Variants in GFRA1 observed in about 807,000 individuals in gnomAD.
GFRA1 encodes the protein GDNF family receptor alpha-1.
In GFRA1, 16 loss-of-function variants were observed where a neutral mutation model predicts 51.6. That is an observed-to-expected ratio of 0.31 (90% CI 0.21 to 0.47). The LOEUF is 0.47. GFRA1 is among the 20% of genes least tolerant of loss of function. The pLI is 1.00. For synonymous variants in GFRA1, 270 were observed against 241.3 expected (o/e 1.12, Z -1.10); for missense variants, 530 against 594.3 (o/e 0.89, Z 1.13).
rs76531145 is a variant in GFRA1, at chr10:116,271,115, T to G, written c.41A>C (p.Asp14Ala). Residue 14 changes from aspartate to alanine, a missense_variant and splice_region_variant, in exon 3 of 11, where the codon GAC becomes GCC. Physicochemically the swap from Asp to Ala is moderately radical, Grantham distance 126. Coordinates refer to ENST00000355422, the MANE Select transcript of GFRA1 (RefSeq NM_005264.8). ...GCTCACTTCGGCCGACAGGAGCAAG[T>G]CTGCGGGGCAGAGGGGAGGGAGCCT... ...ATLYFALPLL[D>A]LLLSAEVSGG... The G allele has an allele frequency of 2.7e-3, 4,305 of 1,603,676 alleles. 90 individuals carry two copies. The African/African-American group carries it at 0.05, about 18-fold the overall frequency.
At chr10:116,175,069 G>A (rs1056175029) in intron 5 of GFRA1, among the ~76,000 whole-genome samples, 4 of 152,152 alleles carry the variant, frequency 2.6e-5, no homozygotes, top group African/African-American at 7.2e-5. Context: ...CATACCCCGT[G>A]TGTTGCGGCT....
chr10:116,215,467 A>G (rs1160429275), intron 4 of GFRA1, among the ~76,000 whole-genome samples: 3 of 152,158 alleles, frequency 2.0e-5, no homozygotes, highest in African/African-American at 7.2e-5. Flanking sequence ...AATCTAACCA[A>G]CCACAAAGTC....
intron 5 of GFRA1, among the ~76,000 whole-genome samples, chr10:116,169,373 C>T (rs1960806226): frequency 6.6e-6 from 1 of 152,206 alleles, no homozygotes; most frequent in Admixed American, 6.5e-5. Context: ...TGGTGGGGTC[C>T]CTGGCGAGGG....
chr10:116,239,985 C>G (rs1967220886), intron 4 of GFRA1, among the ~76,000 whole-genome samples: 1 of 152,124 alleles, frequency 6.6e-6, no homozygotes, highest in Admixed American at 6.5e-5. Flanking sequence ...CAGAACTTAA[C>G]TGGATCCAGG....
chr10:116,254,488 G>C (rs1968663930), intron 4 of GFRA1, among the ~76,000 whole-genome samples: 2 of 149,898 alleles, frequency 1.3e-5, no homozygotes, highest in African/African-American at 5.0e-5. Context: ...CTAAGCAGCA[G>C]AGTGAGACCC....
intron 6 of GFRA1, among the ~76,000 whole-genome samples, chr10:116,103,563 A>G (rs922303220): frequency 6.6e-6 from 1 of 152,262 alleles, no homozygotes; most frequent in African/African-American, 2.4e-5. Context: ...CACTTTAAGA[A>G]AAGCTACTTT....
intron 5 of GFRA1, among the ~76,000 whole-genome samples, chr10:116,135,828 T>C (rs189707091): frequency 2.6e-5 from 4 of 152,084 alleles, no homozygotes; most frequent in African/African-American, 9.7e-5. Flanking sequence ...GGATTTCAAT[T>C]TAGTAATAGT....
At chr10:116,170,420 C>T (rs996493468) in intron 5 of GFRA1, among the ~76,000 whole-genome samples, 1 of 152,114 alleles carries the variant, frequency 6.6e-6, no homozygotes, top group Non-Finnish European at 1.5e-5. Context: ...TGTAATATGA[C>T]CAGGTATCAT....
chr10:116,081,788 T>C (rs1301609757), intron 9 of GFRA1, among the ~76,000 whole-genome samples: 1 of 152,210 alleles, frequency 6.6e-6, no homozygotes, highest in African/African-American at 2.4e-5. Context: ...CTACTGGTGG[T>C]ATACGACATC....
chr10:116,182,215 AATG>A (rs139535670), intron 5 of GFRA1, among the ~76,000 whole-genome samples: 4,480 of 152,262 alleles, frequency 0.029, 105 homozygotes, highest in African/African-American at 0.067. Flanking sequence ...TGTACAGTGC[AATG>A]ATGATAGTGT....
At chr10:116,128,174 T>C (rs1447333987) in intron 5 of GFRA1, among the ~76,000 whole-genome samples, 1 of 152,202 alleles carries the variant, frequency 6.6e-6, no homozygotes, top group Admixed American at 6.5e-5. Context: ...AGCACCAATT[T>C]AGTTTCAGCA....
chr10:116,267,240 G>A lies in GFRA1; in HGVS notation c.418+2263C>T, dbSNP rs996496190. Among the ~76,000 whole-genome samples the A allele has an allele frequency of 2.6e-5, 4 of 152,068 alleles. No individual in the cohort carries two copies. The East Asian group carries it at 7.7e-4, about 29-fold the overall frequency. ...AGCAGTTTGGGAGGCCGAGGCAGGC[G>A]GATCTCTTGAGATCAGGTGTTCAAG... is the stretch of plus-strand genomic sequence containing the variant. On this transcript the variant is annotated intron_variant, in intron 4 of 10. Transcript: ENST00000355422.
At chr10:116,105,978 G>T (rs544928643) in intron 6 of GFRA1, among the ~76,000 whole-genome samples, 6 of 152,260 alleles carry the variant, frequency 3.9e-5, no homozygotes, top group Non-Finnish European at 8.8e-5. Flanking sequence ...AGAGTATCCC[G>T]GATTTTCCCG....
chr10:116,087,087 C>T (rs1038762688), intron 9 of GFRA1, among the ~76,000 whole-genome samples: 1 of 152,218 alleles, frequency 6.6e-6, no homozygotes, highest in African/African-American at 2.4e-5. Context: ...GAGTTCCTAT[C>T]ACTAACAGGA....
chr10:116,096,971 G>GT (rs1956620732), intron 6 of GFRA1, among the ~76,000 whole-genome samples: 1 of 151,926 alleles, frequency 6.6e-6, no homozygotes, highest in African/African-American at 2.4e-5. Context: ...ACCCCCTCAT[G>GT]TCCCTTTCCC....
rs78476598 is a variant in GFRA1, at chr10:116,079,389, C to T, written c.1197+10352G>A. Among the ~76,000 whole-genome samples the T allele has an allele frequency of 2.9e-3, 447 of 152,206 alleles. 7 individuals carry two copies. Among genetic ancestry groups the T allele is most frequent in the African/African-American group, 0.01 (424 of 41,514 alleles). On this transcript the variant is annotated intron_variant, in intron 9 of 10. Coordinates refer to ENST00000355422, the MANE Select transcript of GFRA1 (RefSeq NM_005264.8). ...TGCACTACCTAGGAAAGATTTGGTC[C>T]AGTGCACCAGTTTACACTTATATCT...
At chr10:116,221,238 G>A (rs1049264041) in intron 4 of GFRA1, among the ~76,000 whole-genome samples, 15 of 152,076 alleles carry the variant, frequency 9.9e-5, no homozygotes, top group African/African-American at 3.1e-4. Flanking sequence ...AGCTGCCAAA[G>A]GTCAAAGGGA....
chr10:116,159,758 G>A lies in GFRA1; in HGVS notation c.434-34201C>T, dbSNP rs544012426. On this transcript the variant is annotated intron_variant, in intron 5 of 10. Coordinates refer to ENST00000355422, the MANE Select transcript of GFRA1 (RefSeq NM_005264.8). ...TGAGGTCAGAAGCCCTGTGGCGTGTGGGCCACAGGTGACCACACACAGAGG... is the reference window on the plus strand; with the variant it reads ...TGAGGTCAGAAGCCCTGTGGCGTGTAGGCCACAGGTGACCACACACAGAGG... Among the ~76,000 whole-genome samples the A allele has an allele frequency of 9.9e-4, 150 of 152,256 alleles. 1 individual carries two copies. Among genetic ancestry groups the A allele is most frequent in the African/African-American group, 3.4e-3 (143 of 41,554 alleles).
chr10:116,120,632 A>G lies in GFRA1; in HGVS notation c.770+4589T>C, dbSNP rs117513972. Among the ~76,000 whole-genome samples, 25 of 152,336 alleles carry G rather than the reference A, an allele frequency of 1.6e-4. No individual in the cohort carries two copies. In the East Asian group the frequency reaches 4.8e-3, roughly 29 times the overall value. ...AGAAAAAAGAGAAGCATTCAATTCTACCTAGTAACATACTGCCAGAAAACG... is the reference window on the plus strand; with the variant it reads ...AGAAAAAAGAGAAGCATTCAATTCTGCCTAGTAACATACTGCCAGAAAACG... On this transcript the variant is annotated intron_variant, in intron 6 of 10. Transcript: ENST00000355422.
Sources: allele counts gnomAD v4.1 joint callset (sites outside exome capture counted in the v4.1 genomes callset), GRCh38; gene constraint gnomAD v4.1.1; transcripts MANE v1.5; gene names NCBI Gene and HGNC (gene_info 2026-07-23, HGNC 2026-07-21).